The following MORC2 variants were observed in gnomAD, a reference collection of about 807,000 sequenced individuals.
MORC2 encodes ATPase MORC2.
Under a neutral mutation model 136.0 loss-of-function variants are expected in MORC2, and 30 were observed. The observed-to-expected ratio is 0.22, with a 90% CI of 0.17 to 0.30. MORC2 has a LOEUF of 0.30. Among genes scored for constraint, MORC2 ranks in the 10% least tolerant of loss-of-function variants. MORC2 has a pLI of 1.00. For missense variants in MORC2, 922 were observed against 1,333.1 expected, an observed-to-expected ratio of 0.69 and a Z score of 4.80; for synonymous variants, 439 against 487.0, an observed-to-expected ratio of 0.90 and a Z score of 1.30.
At position 30,967,505 on chromosome 22, in the gene MORC2, G is replaced by A. The variant is rs959169541; in HGVS notation, c.68+317C>T. 71 of 1,103,224 alleles carry A rather than the reference G, an allele frequency of 6.4e-5. 1 individual carries two copies. In the Admixed American group the frequency reaches 1.0e-3, roughly 16 times the overall value. The allele number at this position is 1,103,224 out of a possible 1,614,324, so 68.3% of individuals were successfully genotyped here. A position where few individuals can be genotyped will look rare whatever the true frequency, so the allele number is the denominator to read the frequency against. ...ATACTAAAATAGTCCAACATTTGGC[G>A]ATCCAATAGAGCAGTATTTGTTGGA... On this transcript the variant is annotated intron_variant, in intron 1 of 25. Coordinates refer to ENST00000397641, the MANE Select transcript of MORC2 (RefSeq NM_001303256.3).
At position 30,942,047 on chromosome 22, in the gene MORC2, C is replaced by T. The variant is rs767489568; in HGVS notation, c.587-45G>A. On this transcript the variant is annotated intron_variant, in intron 7 of 25. Transcript: ENST00000397641. ...TGTCCTGCCAGATCCCCCGGCCCAC[C>T]CCCACACTACTTGTGATTCTGGAGC... The T allele has an allele frequency of 3.1e-6, 5 of 1,610,022 alleles. No individual in the cohort carries two copies. In the Middle Eastern group the frequency reaches 5.0e-4, roughly 160 times the overall value.
chr22:30,928,045 C>A lies in MORC2; in HGVS notation c.3004G>T (p.Val1002Leu), dbSNP rs778221935. The A allele has an allele frequency of 6.2e-7, 1 of 1,613,762 alleles. No homozygotes were observed. Among genetic ancestry groups the A allele is most frequent in the Non-Finnish European group, 8.5e-7 (1 of 1,180,018 alleles). ...EKLQKLRTNI[V>L]ALLQKVQEDI... ...TCCTGCACCTTTTGCAGGAGTGCCA[C>A]GATGTTGGTCCTCAGCTTCTGCAGC... Residue 1002 changes from valine (V) to leucine (L), a missense_variant, in exon 25 of 26, where the codon GTG (valine) becomes TTG (leucine). Physicochemically the swap from Val to Leu is conservative, Grantham distance 32. This residue lies in a region of MORC2 where 263 missense variants were observed against 388.3 expected (regional missense o/e 0.68). Transcript: ENST00000397641.
chr22:30,965,685 ATGACT>A (rs550764981), intron 1 of MORC2, among the ~76,000 whole-genome samples: 4 of 152,250 alleles, frequency 2.6e-5, no homozygotes, highest in Non-Finnish European at 5.9e-5. Context: ...TCCCCAACAA[ATGACT>A]TAACTGGTTT....
chr22:30,927,978 A>G (rs1191004448), intron 25 of MORC2, 41 bp downstream of exon 25: 1 of 1,609,454 alleles, frequency 6.2e-7, no homozygotes, highest in African/African-American at 1.3e-5. Flanking sequence ...TCCCTGAGAG[A>G]CCAGGTGGTC....
At chr22:30,948,434 T>C (rs1367664371) in intron 5 of MORC2, among the ~76,000 whole-genome samples, 1 of 152,124 alleles carries the variant, frequency 6.6e-6, no homozygotes, top group African/African-American at 2.4e-5. Context: ...CCTACCCAGA[T>C]CCACTGAATC....
In MORC2 at chr22:30,941,480, C is replaced by T. The variant is rs2040740757; in HGVS notation, c.777G>A (p.Gly259=). 5.6e-6 allele frequency: 9 copies of T among 1,614,006 alleles called. No individual in the cohort carries two copies. In the East Asian group the frequency reaches 2.0e-4, roughly 36 times the overall value. The change falls in exon 9 of 26, where the codon GGG becomes GGA. Residue 259 remains glycine (G), a synonymous_variant. Transcript: ENST00000397641. The surrounding 1 kb of genome is among the most constrained non-coding windows in gnomAD (Gnocchi z 4.6). ...AGAGCCTCTTGGTCTGCACCTTGTGCCCATGGATGAAGATCCTCATCCGGG... is the reference window on the plus strand; with the variant it reads ...AGAGCCTCTTGGTCTGCACCTTGTGTCCATGGATGAAGATCCTCATCCGGG... ...IDPRMRIFIH[G]HKVQTKRLSC...
chr22:30,951,989 G>A (rs2040894688), intron 3 of MORC2, among the ~76,000 whole-genome samples: 1 of 152,042 alleles, frequency 6.6e-6, no homozygotes, highest in South Asian at 2.1e-4. Flanking sequence ...CAGTGTTCAG[G>A]AAGCTGAACA....
intron 21 of MORC2, among the ~76,000 whole-genome samples, 164 bp from the exon 22 acceptor site, chr22:30,933,194 G>T (rs561227740): frequency 6.6e-6 from 1 of 152,262 alleles, no homozygotes; most frequent in South Asian, 2.1e-4. Flanking sequence ...AGCCACCATG[G>T]TCTCCTTCCC....
chr22:30,949,676 A>C, intron 5 of MORC2, 76 bp downstream of exon 5: 1 of 1,234,428 alleles, frequency 8.1e-7, no homozygotes, highest in Non-Finnish European at 1.2e-6. Flanking sequence ...GGAGAAGGAA[A>C]GTTTTCATCC....
intron 3 of MORC2, 95 bp downstream of exon 3, chr22:30,956,668 C>T (rs764323077): frequency 1.9e-6 from 2 of 1,041,608 alleles, no homozygotes; most frequent in Non-Finnish European, 2.8e-6. Context: ...TTCCCAGGCT[C>T]CCGAATCCAG....
chr22:30,957,698 TACA>T (rs1305685645), intron 2 of MORC2, among the ~76,000 whole-genome samples: 1 of 152,200 alleles, frequency 6.6e-6, no homozygotes, highest in Non-Finnish European at 1.5e-5. Flanking sequence ...TCCATTAACC[TACA>T]ACACTTTTTA....
intron 3 of MORC2, among the ~76,000 whole-genome samples, chr22:30,952,288 A>G (rs1207132027): frequency 6.6e-6 from 1 of 152,190 alleles, no homozygotes; most frequent in East Asian, 1.9e-4. Context: ...CAGCCGCAAA[A>G]TGTGCATGAA....
chr22:30,928,132 C>T lies in MORC2; in HGVS notation c.2917G>A (p.Ala973Thr), dbSNP rs1236422279. 2 of 1,614,162 alleles carry T rather than the reference C, an allele frequency of 1.2e-6. No homozygotes were observed. The highest frequency in any genetic ancestry group is 1.7e-6 in the Non-Finnish European group (2 of 1,180,030). ...CGCAGGCTTTCCTCGGAGGCCTTGGCCCGGGAGTCAGCACGGCTCTGGTAG... is the reference window on the plus strand; with the variant it reads ...CGCAGGCTTTCCTCGGAGGCCTTGGTCCGGGAGTCAGCACGGCTCTGGTAG... ...NSYQSRADSRAKASEESLRTS... is the reference protein window; with the variant it reads ...NSYQSRADSRTKASEESLRTS... Residue 973 changes from alanine (A) to threonine (T), a missense_variant, in exon 25 of 26, where the codon GCC (alanine) becomes ACC (threonine). This residue lies in a region of MORC2 where 263 missense variants were observed against 388.3 expected (regional missense o/e 0.68). Coordinates refer to ENST00000397641, the MANE Select transcript of MORC2 (RefSeq NM_001303256.3).
rs1181138157 is a variant in MORC2, at chr22:30,968,649, C to A, written c.-760G>T. On this transcript the variant is annotated 5_prime_UTR_variant, in exon 1 of 26. Coordinates refer to ENST00000397641, the MANE Select transcript of MORC2 (RefSeq NM_001303256.3). Reference sequence around the variant, plus strand: ...CAGACAACAGCCTCAGCCTCCCAGGCCCTTCCCGGGCCTCGGTCCCGTGGC... The same window carrying A: ...CAGACAACAGCCTCAGCCTCCCAGGACCTTCCCGGGCCTCGGTCCCGTGGC... Among the ~76,000 whole-genome samples the A allele has an allele frequency of 2.0e-5, 3 of 152,112 alleles. No individual in the cohort carries two copies. The highest frequency in any genetic ancestry group is 4.4e-5 in the Non-Finnish European group (3 of 68,002).
Position 30,934,739 on chromosome 22 carries a change from A to G in MORC2, c.2193+42T>C. 1 of 1,601,456 alleles carries G rather than the reference A, an allele frequency of 6.2e-7. No individual in the cohort carries two copies. Among genetic ancestry groups the G allele is most frequent in the Non-Finnish European group, 8.5e-7 (1 of 1,171,942 alleles). ...CACTGCACAATTCCATTCCTACACT[A>G]CTGACACTGGGCTGGGGTATTAAAG... On this transcript the variant is annotated intron_variant, in intron 19 of 25. Coordinates refer to ENST00000397641, the MANE Select transcript of MORC2 (RefSeq NM_001303256.3). The surrounding 1 kb of genome is among the most constrained non-coding windows in gnomAD (Gnocchi z 4.4).
At chr22:30,940,564 G>A (rs1467736959) in intron 10 of MORC2, among the ~76,000 whole-genome samples, 194 bp downstream of exon 10, 1 of 152,154 alleles carries the variant, frequency 6.6e-6, no homozygotes, top group Non-Finnish European at 1.5e-5. Flanking sequence ...AAGAGAAAGT[G>A]GAGTGTAGAA....
intron 3 of MORC2, among the ~76,000 whole-genome samples, chr22:30,952,833 G>A (rs2040910807): frequency 1.3e-5 from 2 of 152,218 alleles, no homozygotes; most frequent in Admixed American, 6.5e-5. Context: ...TACATCTAAT[G>A]GATTCTACTG....
chr22:30,943,120 CATGG>C (rs750666773), intron 6 of MORC2, among the ~76,000 whole-genome samples: 14 of 152,158 alleles, frequency 9.2e-5, no homozygotes, highest in Non-Finnish European at 1.8e-4. Flanking sequence ...CTAGCATCAA[CATGG>C]ATGAACAACA....
At chr22:30,951,105 G>A (rs73156739) in intron 3 of MORC2, among the ~76,000 whole-genome samples, 4,545 of 152,276 alleles carry the variant, frequency 0.03, 99 homozygotes, top group Non-Finnish European at 0.038. Context: ...ATGGTACAAC[G>A]TGGAGGTGCC....
Sources: gnomAD v4.1 joint callset for allele counts (sites outside exome capture counted in the v4.1 genomes callset) on GRCh38, gnomAD v4.1.1 for gene constraint, gnomAD v4.1.1 regional missense constraint, Gnocchi (gnomAD v3.1) non-coding constraint, MANE v1.5 for transcripts, NCBI Gene and HGNC (gene_info 2026-07-23, HGNC 2026-07-21) for gene names.